The following NEDD9 variants were observed in gnomAD, a reference collection of about 807,000 sequenced individuals.
NEDD9 encodes the protein neural precursor cell expressed, developmentally down-regulated 9.
A neutral mutation model predicts 76.6 loss-of-function variants in NEDD9; 26 were observed. The observed-to-expected ratio is 0.34, with a 90% CI of 0.25 to 0.47. The LOEUF is 0.47. Ranked by LOEUF, NEDD9 falls within the 20% of genes least tolerant of loss-of-function variation. The pLI, the probability that NEDD9 is intolerant of heterozygous loss-of-function variation, is 1.00. For synonymous variants in NEDD9, 392 were observed against 414.2 expected (o/e 0.95, Z 0.65); for missense variants, 937 against 1,058.5 (o/e 0.89, Z 1.59).
chr6:11,273,385 G>T (rs957313209), intron 3 of NEDD9, among the ~76,000 whole-genome samples: 18 of 152,218 alleles, frequency 1.2e-4, no homozygotes, highest in Admixed American at 3.3e-4. Flanking sequence ...CAATTTGTTT[G>T]TAAATGAATA....
Position 11,213,445 on chromosome 6 carries a change from C to A in NEDD9, c.295G>T (p.Ala99Ser), listed in dbSNP as rs1758846186. 2 of 1,614,054 alleles carry A rather than the reference C, an allele frequency of 1.2e-6. No individual in the cohort carries two copies. The highest frequency in any genetic ancestry group is 1.7e-6 in the Non-Finnish European group (2 of 1,180,022). Reference protein sequence around the residue: ...QKLYQVPNPQAAPRDTIYQVP... With the variant: ...QKLYQVPNPQSAPRDTIYQVP... ...TGGTAGATGGTGTCTCGGGGAGCAG[C>A]CTGTGGGTTTGGCACTTGATAGAGC... The change falls in exon 2 of 7, where the codon GCT becomes TCT. Residue 99 changes from alanine (A) to serine (S), a missense_variant. By Grantham distance (99) the Ala-to-Ser change is moderately conservative. Transcript: ENST00000379446. The surrounding 1 kb of genome is among the most constrained non-coding windows in gnomAD (Gnocchi z 5.4).
intron 2 of NEDD9, among the ~76,000 whole-genome samples, chr6:11,316,178 C>T (rs189085057): frequency 3.3e-5 from 5 of 152,242 alleles, no homozygotes; most frequent in Admixed American, 2.0e-4. Context: ...TTTATTTCTT[C>T]GTTATTGAGT....
chr6:11,245,252 G>T (rs903924017), intron 3 of NEDD9, among the ~76,000 whole-genome samples: 1 of 152,154 alleles, frequency 6.6e-6, no homozygotes, highest in Non-Finnish European at 1.5e-5. Flanking sequence ...AACATTCCAG[G>T]GTGATGGTGG....
intron 3 of NEDD9, among the ~76,000 whole-genome samples, chr6:11,268,612 C>T (rs975437748): frequency 6.6e-6 from 1 of 151,996 alleles, no homozygotes; most frequent in African/African-American, 2.4e-5. Context: ...CCTGTAATCC[C>T]AGCTACTTGG....
At chr6:11,324,628 A>T (rs1761882571) in intron 2 of NEDD9, among the ~76,000 whole-genome samples, 1 of 152,234 alleles carries the variant, frequency 6.6e-6, no homozygotes, top group Admixed American at 6.5e-5. Context: ...AATGAGCAGA[A>T]ACACAGGAGA....
chr6:11,298,812 C>T (rs1314463466), intron 3 of NEDD9, among the ~76,000 whole-genome samples: 4 of 152,122 alleles, frequency 2.6e-5, no homozygotes, highest in African/African-American at 4.8e-5. Context: ...CTAGTACTAG[C>T]GAGGATTGTT....
Position 11,293,450 on chromosome 6 carries a change from T to C in NEDD9, c.12+12542A>G, listed in dbSNP as rs142665644. On this transcript the variant is annotated intron_variant, in intron 3 of 3. Coordinates refer to the NEDD9 transcript ENST00000397378. ...ATCTACTGAGAGACATTGTGAGAAA[T>C]TTCTTTGTTTTCTATCCCCCCCTCT... 9.9e-5 allele frequency among the ~76,000 whole-genome samples: 15 copies of C among 152,274 alleles called. No individual in the cohort carries two copies. The East Asian group carries it at 2.9e-3, about 29-fold the overall frequency.
chr6:11,366,405 G>GAA (rs1554136208), intron 1 of NEDD9, among the ~76,000 whole-genome samples: 1 of 147,210 alleles, frequency 6.8e-6, no homozygotes, highest in Non-Finnish European at 1.5e-5. Context: ...AGAAATAAAA[G>GAA]AAGAAAGAAA....
intron 3 of NEDD9, among the ~76,000 whole-genome samples, chr6:11,298,640 G>A (rs1236588209): frequency 6.6e-6 from 1 of 152,184 alleles, no homozygotes; most frequent in Non-Finnish European, 1.5e-5. Context: ...AAAATGAGAA[G>A]AGAGACATTT....
intron 2 of NEDD9, among the ~76,000 whole-genome samples, chr6:11,194,754 CTGGAACCA>C (rs1722554633): frequency 6.6e-6 from 1 of 152,240 alleles, no homozygotes; most frequent in African/African-American, 2.4e-5. Context: ...ATGCTGGCAT[CTGGAACCA>C]GTGCCAATAA....
intron 3 of NEDD9, among the ~76,000 whole-genome samples, chr6:11,246,451 C>T (rs1006104759): frequency 1.3e-5 from 2 of 152,202 alleles, no homozygotes; most frequent in Non-Finnish European, 2.9e-5. Flanking sequence ...CCCCGGGCCC[C>T]ACCAGTTACC....
intron 3 of NEDD9, among the ~76,000 whole-genome samples, chr6:11,273,633 T>TC (rs1760359447): frequency 6.6e-6 from 1 of 152,180 alleles, no homozygotes; most frequent in Non-Finnish European, 1.5e-5. Context: ...TGATATGACT[T>TC]CATTTATTTG....
rs1381478549 is a variant in NEDD9 at position 11,213,369 on chromosome 6, T to C, written c.371A>G (p.His124Arg). The C allele has an allele frequency of 6.2e-7, 1 of 1,614,114 alleles. No homozygotes were observed. ...NQGIYQVPTG[H>R]GTQEQEVYQV... ...ATATACCTCTTGTTCTTGGGTGCCG[T>C]GGCCAGTGGGGACTTGGTAAATTCC... is the stretch of plus-strand genomic sequence containing the variant. The change falls in exon 2 of 7, where the codon CAC (histidine) becomes CGC (arginine). Residue 124 changes from histidine (H) to arginine (R), a missense_variant. Transcript: ENST00000379446. The surrounding 1 kb of genome is among the most constrained non-coding windows in gnomAD (Gnocchi z 5.4).
chr6:11,265,822 T>C (rs1007253693), intron 3 of NEDD9, among the ~76,000 whole-genome samples: 20 of 152,124 alleles, frequency 1.3e-4, no homozygotes, highest in African/African-American at 4.6e-4. Context: ...GAAAATGTGG[T>C]ATATAAATGC....
At chr6:11,193,745 C>T in intron 2 of NEDD9, 53 bp from the exon 3 acceptor site, 1 of 1,223,968 alleles carries the variant, frequency 8.2e-7, no homozygotes, top group Non-Finnish European at 1.2e-6. Context: ...GTCCTTGAAT[C>T]TCCTTGCCTC....
chr6:11,270,223 T>A (rs1760274631), intron 3 of NEDD9, among the ~76,000 whole-genome samples: 1 of 152,254 alleles, frequency 6.6e-6, no homozygotes. Context: ...TCTCGCATTC[T>A]GTCAACTTCA....
intron 1 of NEDD9, among the ~76,000 whole-genome samples, chr6:11,357,417 C>T (rs550306170): frequency 6.6e-6 from 1 of 152,158 alleles, no homozygotes; most frequent in African/African-American, 2.4e-5. Flanking sequence ...ACTACAGAGA[C>T]CTATTCATGG....
At chr6:11,298,192 G>A (rs1582006826) in intron 3 of NEDD9, among the ~76,000 whole-genome samples, 2 of 152,282 alleles carry the variant, frequency 1.3e-5, no homozygotes, top group African/African-American at 2.4e-5. Context: ...ACAGGCATGA[G>A]CCACTGCACC....
At chr6:11,260,521 C>T (rs1248029789) in intron 3 of NEDD9, among the ~76,000 whole-genome samples, 1 of 152,156 alleles carries the variant, frequency 6.6e-6, no homozygotes, top group African/African-American at 2.4e-5. Context: ...TGTAAAGCTA[C>T]AGAGTAAGTG....
Sources: allele counts gnomAD v4.1 joint callset (sites outside exome capture counted in the v4.1 genomes callset), GRCh38; gene constraint gnomAD v4.1.1; non-coding constraint Gnocchi (gnomAD v3.1); transcripts MANE v1.5; gene names NCBI Gene and HGNC (gene_info 2026-07-23, HGNC 2026-07-21).